ITPK1: variants seen among roughly 807,000 people sequenced by gnomAD.
ITPK1 encodes the protein inositol 1,3,4-trisphosphate 5/6-kinase.
ITPK1 carries 21 observed loss-of-function variants against 45.3 expected under a neutral mutation model. That is an observed-to-expected ratio of 0.46 (90% CI 0.33 to 0.67). The LOEUF is 0.67. ITPK1 is among the 30% of genes least tolerant of loss of function. The pLI is 0.02. For synonymous variants in ITPK1, 258 were observed against 253.6 expected (o/e 1.02, Z -0.16); for missense variants, 474 against 573.5 (o/e 0.83, Z 1.77).
At chr14:93,073,582 C>T (rs1011521048) in intron 3 of ITPK1, among the ~76,000 whole-genome samples, 16 of 152,328 alleles carry the variant, frequency 1.1e-4, no homozygotes, top group African/African-American at 3.1e-4. Flanking sequence ...CGGTCACCAG[C>T]GTTTTGCAGT....
intron 5 of ITPK1, among the ~76,000 whole-genome samples, chr14:92,986,193 ATC>A (rs1233041722): frequency 1.3e-5 from 2 of 152,208 alleles, no homozygotes; most frequent in Admixed American, 1.3e-4. Flanking sequence ...AGAACTCAAG[ATC>A]TCTTTCAGCT....
At chr14:93,085,419 T>A (rs1891610828) in intron 2 of ITPK1, among the ~76,000 whole-genome samples, 1 of 152,090 alleles carries the variant, frequency 6.6e-6, no homozygotes, top group Admixed American at 6.5e-5. Context: ...CGCCCCTCAG[T>A]GCAGGCACAG....
chr14:93,039,111 G>A (rs922194032), intron 3 of ITPK1, among the ~76,000 whole-genome samples: 1 of 152,100 alleles, frequency 6.6e-6, no homozygotes, highest in South Asian at 2.1e-4. Context: ...AGCTCTCACG[G>A]GGGTGCTGCC....
chr14:92,997,535 G>A (rs75036981), intron 4 of ITPK1, among the ~76,000 whole-genome samples: 10,319 of 152,282 alleles, frequency 0.068, 481 homozygotes, highest in East Asian at 0.23. Flanking sequence ...TCCACAAGCG[G>A]ACTTTGTGCC....
chr14:92,952,436 G>A (rs975404026), intron 8 of ITPK1, among the ~76,000 whole-genome samples: 22 of 152,180 alleles, frequency 1.4e-4, no homozygotes, highest in Non-Finnish European at 1.5e-4. Context: ...CCCAGCCCAC[G>A]GGACTCTCTT....
At chr14:93,083,382 C>T (rs946110371) in intron 2 of ITPK1, among the ~76,000 whole-genome samples, 7 of 152,152 alleles carry the variant, frequency 4.6e-5, no homozygotes, top group African/African-American at 1.7e-4. Flanking sequence ...CTTTCCCACC[C>T]AAGAGGCCCT....
intron 2 of ITPK1, among the ~76,000 whole-genome samples, chr14:93,114,380 C>G (rs572686156): frequency 6.6e-6 from 1 of 152,364 alleles, no homozygotes; most frequent in East Asian, 1.9e-4. Flanking sequence ...GGCATTTACC[C>G]AGCACTTTCT....
chr14:93,096,427 C>T (rs1459830820), intron 2 of ITPK1, among the ~76,000 whole-genome samples: 1 of 152,216 alleles, frequency 6.6e-6, no homozygotes, highest in Non-Finnish European at 1.5e-5. Context: ...GACTAAAGCT[C>T]CAAATGACAA....
rs12434565 is a variant in ITPK1, at chr14:92,994,252, G to C, written c.247-255C>G. On this transcript the variant is annotated intron_variant, in intron 4 of 10. Transcript: ENST00000267615. ...GAAACTGCAACCAGGCTCAGGGCAG[G>C]CCGCCTGACTCCAGATAAAACCTCA... 3.7e-3 allele frequency among the ~76,000 whole-genome samples: 559 copies of C among 152,344 alleles called. 2 individuals carry two copies. Among genetic ancestry groups the C allele is most frequent in the African/African-American group, 0.013 (539 of 41,578 alleles).
At chr14:92,989,553 A>G (rs1157940463) in intron 5 of ITPK1, among the ~76,000 whole-genome samples, 2 of 152,048 alleles carry the variant, frequency 1.3e-5, no homozygotes, top group East Asian at 3.9e-4. Context: ...CGCTCACCCT[A>G]GGGTAGCACA....
intron 3 of ITPK1, among the ~76,000 whole-genome samples, chr14:93,019,140 C>T (rs2139862043): frequency 6.6e-6 from 1 of 152,334 alleles, no homozygotes; most frequent in South Asian, 2.1e-4. Flanking sequence ...GTGGGTCAGG[C>T]ACCACAAACG....
In ITPK1 at chr14:93,076,004, T is replaced by C. The variant is rs1355674622; in HGVS notation, c.120+591A>G. ...CCCTCACATAGAGTCTGAGAGTATT[T>C]TGATGTTTCCTTCTTCCCCCTCCAT... is the stretch of plus-strand genomic sequence containing the variant. On this transcript the variant is annotated intron_variant, in intron 3 of 10. Coordinates refer to ENST00000267615, the MANE Select transcript of ITPK1 (RefSeq NM_014216.6). This position sits in a 1 kb window ranked among gnomAD's most constrained non-coding sequence, Gnocchi z 4.3. 2.0e-5 allele frequency among the ~76,000 whole-genome samples: 3 copies of C among 152,124 alleles called. No homozygotes were observed. The highest frequency in any genetic ancestry group is 2.1e-4 in the South Asian group (1 of 4,832).
At chr14:93,067,041 G>A (rs1890786757) in intron 3 of ITPK1, among the ~76,000 whole-genome samples, 1 of 152,220 alleles carries the variant, frequency 6.6e-6, no homozygotes, top group Non-Finnish European at 1.5e-5. Context: ...ACTCTGAGTA[G>A]CAATGCTATG....
intron 3 of ITPK1, among the ~76,000 whole-genome samples, chr14:93,038,510 G>A (rs1595159376): frequency 1.3e-5 from 2 of 152,060 alleles, no homozygotes; most frequent in East Asian, 3.9e-4. Context: ...AGAAAAGTGG[G>A]ATATATGTGG....
chr14:92,996,049 C>A (rs528785566), intron 4 of ITPK1, among the ~76,000 whole-genome samples: 1 of 152,296 alleles, frequency 6.6e-6, no homozygotes, highest in African/African-American at 2.4e-5. Context: ...AGGCCCTCCC[C>A]GCCGAGACTC....
intron 2 of ITPK1, among the ~76,000 whole-genome samples, chr14:93,099,960 C>T (rs1200428352): frequency 6.6e-6 from 1 of 152,224 alleles, no homozygotes; most frequent in African/African-American, 2.4e-5. Flanking sequence ...TGAGGGAGAG[C>T]AGCCCCCAGC....
intron 5 of ITPK1, among the ~76,000 whole-genome samples, chr14:92,989,926 G>A (rs1886695092): frequency 6.6e-6 from 1 of 152,122 alleles, no homozygotes; most frequent in Non-Finnish European, 1.5e-5. Flanking sequence ...GCTACAAAGA[G>A]GGGACTGCTG....
chr14:93,079,777 T>A (rs971597336), intron 2 of ITPK1, among the ~76,000 whole-genome samples: 1 of 152,008 alleles, frequency 6.6e-6, no homozygotes, highest in African/African-American at 2.4e-5. Context: ...GTTCAGAAAT[T>A]GAATGATGAA....
intron 2 of ITPK1, among the ~76,000 whole-genome samples, chr14:93,107,020 C>T (rs1417501400): frequency 6.6e-6 from 1 of 152,000 alleles, no homozygotes; most frequent in Non-Finnish European, 1.5e-5. Flanking sequence ...TGCAATGGTG[C>T]AATCTTGGCT....
Sources: gnomAD v4.1 joint callset for allele counts (sites outside exome capture counted in the v4.1 genomes callset) on GRCh38, gnomAD v4.1.1 for gene constraint, Gnocchi (gnomAD v3.1) non-coding constraint, MANE v1.5 for transcripts, NCBI Gene and HGNC (gene_info 2026-07-23, HGNC 2026-07-21) for gene names.